PRKAR1B: variants seen among roughly 807,000 people sequenced by gnomAD.
The protein encoded by PRKAR1B is protein kinase cAMP-dependent type I regulatory subunit beta.
A neutral mutation model predicts 46.5 loss-of-function variants in PRKAR1B; 22 were observed. That is an observed-to-expected ratio of 0.47 (90% confidence interval 0.34 to 0.68). The LOEUF (loss-of-function observed/expected upper bound fraction) is 0.68. Ranked by LOEUF, PRKAR1B falls within the 30% of genes least tolerant of loss-of-function variation. The pLI, the probability that PRKAR1B is intolerant of heterozygous loss-of-function variation, is 0.01. For missense variants in PRKAR1B, 445 were observed against 535.6 expected (o/e 0.83, Z 1.67); for synonymous variants, 259 against 217.7 (o/e 1.19, Z -1.67).
chr7:589,979 A>G (rs1780884544), intron 7 of PRKAR1B, among the ~76,000 whole-genome samples: 1 of 152,220 alleles, frequency 6.6e-6, no homozygotes, highest in African/African-American at 2.4e-5. Context: ...AGCTCTGGAC[A>G]TGTTCAATGG....
At chr7:603,488 C>T (rs111232485) in intron 6 of PRKAR1B, among the ~76,000 whole-genome samples, 1 of 152,108 alleles carries the variant, frequency 6.6e-6, no homozygotes, top group Non-Finnish European at 1.5e-5. Context: ...CACAACCTCC[C>T]CCACACCAGA....
Position 680,697 on chromosome 7 carries a change from T to G in PRKAR1B, c.207A>C (p.Gln69His). The stretch of plus-strand genomic sequence containing the variant: ...GGGAGTCCGACTGTGAGTTTGACTT[T>G]TGCCGCGCCAAAATCTGCCTGTTTT... ...KEENRQILAR[Q>H]KSNSQSDSHD... Residue 69 changes from glutamine (Q) to histidine (H), a missense_variant, in exon 3 of 11, where the codon CAA (glutamine) becomes CAC (histidine). By Grantham distance (24) the Gln-to-His change is conservative. Transcript: ENST00000537384. 1.2e-6 allele frequency: 2 copies of G among 1,613,920 alleles called. No homozygotes were observed. The highest frequency in any genetic ancestry group is 1.7e-6 in the Non-Finnish European group (2 of 1,179,958).
rs867514134 is a variant in PRKAR1B, at chr7:651,396, C to A, written c.440+25833G>T. ...GGACCCCGAAACACATGATGCCTTACAGAGCTCTTCCACGAGGCTTTAGCA... is the reference window on the plus strand; with the variant it reads ...GGACCCCGAAACACATGATGCCTTAAAGAGCTCTTCCACGAGGCTTTAGCA... On this transcript the variant is annotated intron_variant, in intron 4 of 10. Coordinates refer to ENST00000537384, the MANE Select transcript of PRKAR1B (RefSeq NM_001164760.2). Among the ~76,000 whole-genome samples, 26 of 152,368 alleles carry A rather than the reference C, an allele frequency of 1.7e-4. 1 individual carries two copies. Among genetic ancestry groups the A allele is most frequent in the Middle Eastern group, 6.8e-3 (2 of 294 alleles).
At chr7:684,689 C>G (rs902337341) in intron 2 of PRKAR1B, among the ~76,000 whole-genome samples, 2 of 152,170 alleles carry the variant, frequency 1.3e-5, no homozygotes, top group Non-Finnish European at 2.9e-5. Context: ...GCCAGGCAGC[C>G]CCCCAAGGCC....
chr7:683,148 C>G (rs1778793461), intron 2 of PRKAR1B, among the ~76,000 whole-genome samples: 1 of 152,246 alleles, frequency 6.6e-6, no homozygotes, highest in African/African-American at 2.4e-5. Flanking sequence ...CCAGACGTGC[C>G]CACCTGTGAC....
At chr7:721,949 C>T (rs1479554020) in intron 1 of PRKAR1B, among the ~76,000 whole-genome samples, 1 of 152,112 alleles carries the variant, frequency 6.6e-6, no homozygotes, top group Admixed American at 6.5e-5. Context: ...TCAGTTAGTA[C>T]TTTTCCTCCT....
intron 1 of PRKAR1B, chr7:712,408 G>C (rs1318797697): frequency 6.8e-6 from 1 of 147,824 alleles, no homozygotes; most frequent in Admixed American, 6.7e-5. Flanking sequence ...GCCCGGCCCC[G>C]CGTACCTGGA....
intron 3 of PRKAR1B, 29 bp from the exon 4 acceptor site, chr7:677,349 G>A (rs1562608568): frequency 6.2e-7 from 1 of 1,601,910 alleles, no homozygotes; most frequent in Middle Eastern, 1.7e-4. Context: ...ATCACCGTGT[G>A]AGCCACCCTG....
intron 9 of PRKAR1B, among the ~76,000 whole-genome samples, chr7:559,379 T>C (rs2128424217): frequency 6.6e-6 from 1 of 152,240 alleles, no homozygotes; most frequent in South Asian, 2.1e-4. Context: ...GAGAAGAGGC[T>C]GGAGCAGGGG....
chr7:681,403 G>C (rs1583410381), intron 2 of PRKAR1B, among the ~76,000 whole-genome samples: 1 of 151,704 alleles, frequency 6.6e-6, no homozygotes, highest in Non-Finnish European at 1.5e-5. Flanking sequence ...ACATTTCTGT[G>C]TATGTACCAG....
intron 4 of PRKAR1B, among the ~76,000 whole-genome samples, chr7:662,955 T>C (rs1785696219): frequency 6.6e-6 from 1 of 152,186 alleles, no homozygotes; most frequent in African/African-American, 2.4e-5. Flanking sequence ...TCTGATGCTT[T>C]CAAACAGACT....
At chr7:692,117 G>A (rs1389553969) in intron 2 of PRKAR1B, among the ~76,000 whole-genome samples, 1 of 152,110 alleles carries the variant, frequency 6.6e-6, no homozygotes, top group African/African-American at 2.4e-5. Context: ...AATGGCAGGT[G>A]GGCCAGGCAT....
intron 4 of PRKAR1B, among the ~76,000 whole-genome samples, chr7:656,555 AATGGATGG>A (rs148755226): frequency 6.6e-6 from 1 of 151,788 alleles, no homozygotes; most frequent in Non-Finnish European, 1.5e-5. Context: ...TGAGTGAGGG[AATGGATGG>A]ATGGATGGAT....
intron 6 of PRKAR1B, among the ~76,000 whole-genome samples, chr7:600,213 A>T (rs907308944): frequency 6.6e-6 from 1 of 152,256 alleles, no homozygotes; most frequent in Non-Finnish European, 1.5e-5. Flanking sequence ...TTTTACTACA[A>T]TTAAAGTAGG....
chr7:637,965 T>C (rs9690251), intron 4 of PRKAR1B, among the ~76,000 whole-genome samples: 3,036 of 152,332 alleles, frequency 0.02, 98 homozygotes, highest in African/African-American at 0.068. Context: ...TTCTGCAGCC[T>C]CTGAAGTGCA....
At chr7:623,828 G>A (rs978521861) in intron 4 of PRKAR1B, among the ~76,000 whole-genome samples, 6 of 152,350 alleles carry the variant, frequency 3.9e-5, no homozygotes, top group Middle Eastern at 3.4e-3. Flanking sequence ...ATTGGAGAGA[G>A]AAGCGCGTGA....
Position 711,479 on chromosome 7 carries a change from C to G in PRKAR1B, c.27G>C (p.Ser9=). ...AGCCCTTCAGGCTCTCGTCCTCCTC[C>G]GAGGGGCAGGCGGGCGGGGAGGCCA... MASPPACP[S]EEDESLKGCE... is the part of the protein sequence containing the mutation. Residue 9 remains serine, a synonymous_variant, in exon 2 of 11, where the codon TCG becomes TCC. Transcript: ENST00000537384. 1 of 1,614,050 alleles carries G rather than the reference C, an allele frequency of 6.2e-7. No homozygotes were observed.
At chr7:690,009 A>G (rs1457072593) in intron 2 of PRKAR1B, among the ~76,000 whole-genome samples, 1 of 145,082 alleles carries the variant, frequency 6.9e-6, no homozygotes, top group Admixed American at 6.8e-5. Flanking sequence ...GAGCTGAGGG[A>G]GGGAGGCCAG....
chr7:678,985 G>T (rs768415925), intron 3 of PRKAR1B, among the ~76,000 whole-genome samples: 2 of 152,228 alleles, frequency 1.3e-5, no homozygotes, highest in Non-Finnish European at 2.9e-5. Context: ...CCAGTCAGGA[G>T]GCTGAGACAG....
Sources: gnomAD v4.1 joint callset for allele counts (sites outside exome capture counted in the v4.1 genomes callset) on GRCh38, gnomAD v4.1.1 for gene constraint, MANE v1.5 for transcripts, NCBI Gene and HGNC (gene_info 2026-07-23, HGNC 2026-07-21) for gene names.